CDH12: variants seen among roughly 807,000 people sequenced by gnomAD.
CDH12 encodes cadherin 12, also known as cadherin-12.
A neutral mutation model predicts 74.1 loss-of-function variants in CDH12; 41 were observed. That is an observed-to-expected ratio of 0.55 (90% CI 0.43 to 0.72). The LOEUF is 0.72. Ranked by LOEUF, CDH12 falls within the 30% of genes least tolerant of loss-of-function variation. The probability of loss-of-function intolerance (pLI) is 0.00; values close to 1 mark genes in which losing one functional copy is unlikely to be tolerated. For synonymous variants in CDH12, 399 were observed against 355.0 expected, an observed-to-expected ratio of 1.12 and a Z score of -1.39; for missense variants, 945 against 977.2, an observed-to-expected ratio of 0.97 and a Z score of 0.44.
chr5:21,936,430 A>G lies in CDH12; in HGVS notation c.526+38661T>C, dbSNP rs192821924. ...TAAGTTTCTTATTTAATAGATATGT[A>G]TTAAATATTTACCTTGTCTCAGCCA... is the stretch of plus-strand genomic sequence containing the variant. On this transcript the variant is annotated intron_variant, in intron 6 of 14. Coordinates refer to ENST00000382254, the MANE Select transcript of CDH12 (RefSeq NM_004061.5). Among the ~76,000 whole-genome samples the G allele has an allele frequency of 4.3e-3, 661 of 152,190 alleles. 4 individuals are homozygous for G. The highest frequency in any genetic ancestry group is 6.2e-3 in the Non-Finnish European group (423 of 68,010).
At chr5:21,845,779 T>G (rs943184791) in intron 7 of CDH12, among the ~76,000 whole-genome samples, 1 of 152,112 alleles carries the variant, frequency 6.6e-6, no homozygotes, top group African/African-American at 2.4e-5. Flanking sequence ...AATGTCTGGC[T>G]CAGAGTGATA....
intron 7 of CDH12, among the ~76,000 whole-genome samples, chr5:21,849,156 C>T (rs1004738349): frequency 6.6e-6 from 1 of 151,808 alleles, no homozygotes; most frequent in Admixed American, 6.6e-5. Flanking sequence ...CTTCCTGTAA[C>T]TCACACTATG....
At chr5:22,218,826 CATA>C (rs1337845687) in intron 3 of CDH12, among the ~76,000 whole-genome samples, 21 of 151,590 alleles carry the variant, frequency 1.4e-4, no homozygotes, top group African/African-American at 2.4e-4. Flanking sequence ...AGATTATGTC[CATA>C]ATAACAATCT....
At chr5:21,902,747 T>G (rs897731005) in intron 6 of CDH12, among the ~76,000 whole-genome samples, 13 of 152,132 alleles carry the variant, frequency 8.5e-5, no homozygotes, top group Non-Finnish European at 1.2e-4. Context: ...ACTTTAATTT[T>G]GTTCAATTTT....
chr5:22,714,935 C>G (rs1743493471), intron 1 of CDH12, among the ~76,000 whole-genome samples: 2 of 152,152 alleles, frequency 1.3e-5, no homozygotes, highest in South Asian at 4.1e-4. Context: ...ACTGGTGCAT[C>G]TCGCAGAACG....
At chr5:22,470,949 G>A (rs1745935953) in intron 2 of CDH12, among the ~76,000 whole-genome samples, 1 of 151,694 alleles carries the variant, frequency 6.6e-6, no homozygotes, top group Admixed American at 6.6e-5. Flanking sequence ...AATGATCATG[G>A]TGAATATTCT....
intron 5 of CDH12, among the ~76,000 whole-genome samples, chr5:22,063,905 G>A (rs1407430049): frequency 2.0e-5 from 3 of 151,602 alleles, no homozygotes; most frequent in African/African-American, 4.8e-5. Context: ...ACTGCAGATC[G>A]GACATGCTCC....
chr5:22,475,040 G>C (rs1473886587), intron 2 of CDH12, among the ~76,000 whole-genome samples: 1 of 150,756 alleles, frequency 6.6e-6, no homozygotes, highest in Non-Finnish European at 1.5e-5. Context: ...CTGAATGGTT[G>C]ACTAGAGGGG....
intron 1 of CDH12, among the ~76,000 whole-genome samples, chr5:22,626,871 T>C (rs1738324333): frequency 6.6e-6 from 1 of 152,070 alleles, no homozygotes; most frequent in African/African-American, 2.4e-5. Context: ...GATACAGGAA[T>C]GAAAAGACAA....
chr5:22,017,847 C>T (rs1561024217), intron 5 of CDH12, among the ~76,000 whole-genome samples: 2 of 151,710 alleles, frequency 1.3e-5, no homozygotes, highest in Non-Finnish European at 2.9e-5. Context: ...ACAACACCTG[C>T]CTCCCGAGTT....
intron 5 of CDH12, among the ~76,000 whole-genome samples, chr5:21,987,551 T>C (rs1453578599): frequency 1.3e-5 from 2 of 152,192 alleles, no homozygotes; most frequent in Non-Finnish European, 2.9e-5. Flanking sequence ...TTTCTGTCCA[T>C]CACTGAGACT....
At chr5:22,779,562 C>T (rs966516127) in intron 1 of CDH12, among the ~76,000 whole-genome samples, 2 of 152,120 alleles carry the variant, frequency 1.3e-5, no homozygotes, top group Non-Finnish European at 2.9e-5. Context: ...AATTTAATCC[C>T]CATAATCCCC....
chr5:22,811,224 T>G (rs187108613), intron 1 of CDH12, among the ~76,000 whole-genome samples: 166 of 151,730 alleles, frequency 1.1e-3, no homozygotes, highest in African/African-American at 3.9e-3. Context: ...AGAGGAGAGA[T>G]CATCTGGATA....
intron 1 of CDH12, among the ~76,000 whole-genome samples, chr5:22,827,721 T>C (rs1736409107): frequency 6.6e-6 from 1 of 152,146 alleles, no homozygotes; most frequent in African/African-American, 2.4e-5. Context: ...AAAACTGAAA[T>C]AGTATATTGG....
chr5:22,042,889 CAA>C (rs1171549252), intron 5 of CDH12, among the ~76,000 whole-genome samples: 2,307 of 55,914 alleles, frequency 0.041, 35 homozygotes, highest in South Asian at 0.11. Flanking sequence ...GATTCTATCT[CAA>C]AAAAAAAAAA....
intron 3 of CDH12, among the ~76,000 whole-genome samples, chr5:22,371,122 G>T (rs528901219): frequency 1.3e-5 from 2 of 152,146 alleles, no homozygotes; most frequent in East Asian, 3.9e-4. Context: ...AAAAATATTT[G>T]CAGGTTGACA....
At chr5:22,612,936 G>A (rs1166246142) in intron 1 of CDH12, among the ~76,000 whole-genome samples, 1 of 152,092 alleles carries the variant, frequency 6.6e-6, no homozygotes, top group Non-Finnish European at 1.5e-5. Context: ...TGGAAGAAGT[G>A]AAATTTGAAA....
At chr5:22,148,697 C>T (rs974151851) in intron 4 of CDH12, among the ~76,000 whole-genome samples, 9 of 152,160 alleles carry the variant, frequency 5.9e-5, no homozygotes, top group African/African-American at 1.9e-4. Flanking sequence ...CTTGTCACTC[C>T]GTGGCATTCC....
At chr5:22,569,490 A>G (rs1297538018) in intron 1 of CDH12, among the ~76,000 whole-genome samples, 1 of 152,192 alleles carries the variant, frequency 6.6e-6, no homozygotes, top group Non-Finnish European at 1.5e-5. Flanking sequence ...TCTTTTCATT[A>G]TAAGTTACCC....
Sources: allele counts gnomAD v4.1 joint callset (sites outside exome capture counted in the v4.1 genomes callset), GRCh38; gene constraint gnomAD v4.1.1; transcripts MANE v1.5; gene names NCBI Gene and HGNC (gene_info 2026-07-23, HGNC 2026-07-21).